The following PTPRM variants were observed in gnomAD, a reference collection of about 807,000 sequenced individuals.
The protein encoded by PTPRM is protein tyrosine phosphatase receptor type M, also known as receptor-type tyrosine-protein phosphatase mu.
PTPRM carries 47 observed loss-of-function variants against 186.7 expected under a neutral mutation model. The ratio of observed to expected loss-of-function variants is 0.25; its 90% CI spans 0.20 to 0.32. The LOEUF is 0.32. Ranked by LOEUF, PTPRM falls within the 10% of genes least tolerant of loss-of-function variation. PTPRM has a pLI of 1.00. For synonymous variants in PTPRM, 668 were observed against 674.9 expected (o/e 0.99, Z 0.16); for missense variants, 1,494 against 1,865.0 (o/e 0.80, Z 3.66).
intron 24 of PTPRM, among the ~76,000 whole-genome samples, chr18:8,372,265 G>A (rs1217854485): frequency 2.7e-5 from 4 of 146,190 alleles, no homozygotes; most frequent in Non-Finnish European, 6.0e-5. Flanking sequence ...TAGTAGAGAC[G>A]GGGTTTCACC....
intron 3 of PTPRM, among the ~76,000 whole-genome samples, chr18:7,900,737 C>G (rs139007216): frequency 1.6e-3 from 239 of 152,300 alleles, no homozygotes; most frequent in African/African-American, 5.3e-3. Context: ...TCTAAGTCAT[C>G]TTATCCCTGA....
chr18:8,392,303 G>T (rs2095817824), intron 31 of PTPRM, among the ~76,000 whole-genome samples: 1 of 152,124 alleles, frequency 6.6e-6, no homozygotes, highest in South Asian at 2.1e-4. Context: ...AGGTATGATA[G>T]TTATACTGTG....
intron 1 of PTPRM, among the ~76,000 whole-genome samples, chr18:7,690,358 G>A (rs567905359): frequency 1.1e-3 from 167 of 152,300 alleles, no homozygotes; most frequent in Non-Finnish European, 1.2e-3. Flanking sequence ...TCTGAGGTCA[G>A]CTCTCAAGGT....
rs8093151 is a variant in PTPRM, at chr18:8,227,426, G to A, written c.2301-16632G>A. Among the ~76,000 whole-genome samples, 1,402 of 152,220 alleles carry A rather than the reference G, an allele frequency of 9.2e-3. 17 individuals are homozygous for A. Among genetic ancestry groups the A allele is most frequent in the African/African-American group, 0.032 (1,325 of 41,532 alleles). ...CTATGTTTTTAACTTGGAATAGAAAGGTTTTTTAAAAAAAATTTTCATCCT... is the reference window on the plus strand; with the variant it reads ...CTATGTTTTTAACTTGGAATAGAAAAGTTTTTTAAAAAAAATTTTCATCCT... On this transcript the variant is annotated intron_variant, in intron 14 of 32. Transcript: ENST00000580170.
chr18:8,052,255 A>T (rs372843974), intron 7 of PTPRM, among the ~76,000 whole-genome samples: 1 of 152,170 alleles, frequency 6.6e-6, no homozygotes, highest in Non-Finnish European at 1.5e-5. Context: ...GGGCTTCATC[A>T]CAGGCCCAAC....
intron 14 of PTPRM, among the ~76,000 whole-genome samples, chr18:8,235,476 T>TTTTTTTTTTTTTTTTTTTTTTTG (rs1481569126): frequency 4.4e-5 from 6 of 136,782 alleles, no homozygotes; most frequent in African/African-American, 1.1e-4. Context: ...TTTTTTTTTT[T>TTTTTTTTTTTTTTTTTTTTTTTG]TTTAGCCTGG....
intron 14 of PTPRM, among the ~76,000 whole-genome samples, chr18:8,185,039 T>A (rs4459615): frequency 0.51 from 76,917 of 151,986 alleles, 19,822 homozygotes; most frequent in Middle Eastern, 0.7. Context: ...AATAAGTTAG[T>A]TGCTGTAGTT....
intron 14 of PTPRM, among the ~76,000 whole-genome samples, chr18:8,145,921 A>G (rs1349746094): frequency 6.6e-6 from 1 of 152,154 alleles, no homozygotes; most frequent in Non-Finnish European, 1.5e-5. Context: ...GTCTTCCACA[A>G]TGGTTGAACT....
chr18:7,741,780 A>G (rs1473681487), intron 1 of PTPRM: 8 of 152,232 alleles, frequency 5.3e-5, no homozygotes, highest in Admixed American at 2.6e-4. Context: ...TTTCTTCAGT[A>G]TAAGTGAAAC....
At chr18:7,600,445 C>T (rs949223015) in intron 1 of PTPRM, among the ~76,000 whole-genome samples, 6 of 152,242 alleles carry the variant, frequency 3.9e-5, no homozygotes, top group African/African-American at 1.4e-4. Flanking sequence ...GCTCCCCACA[C>T]CAACCCACAA....
In PTPRM at chr18:8,320,235, A is replaced by G. The variant is rs533804327; in HGVS notation, c.2956+1021A>G. 5.9e-5 allele frequency among the ~76,000 whole-genome samples: 9 copies of G among 152,328 alleles called. No individual in the cohort carries two copies. In the South Asian group the frequency reaches 1.9e-3, roughly 32 times the overall value. On this transcript the variant is annotated intron_variant, in intron 22 of 32. Coordinates refer to ENST00000580170, the MANE Select transcript of PTPRM (RefSeq NM_001105244.2). ...AGGGTGTACACAGACAGTCAGTGACAAGGGAATCAACGATGCCAAGATAAT... is the reference window on the plus strand; with the variant it reads ...AGGGTGTACACAGACAGTCAGTGACGAGGGAATCAACGATGCCAAGATAAT...
chr18:7,704,882 C>A (rs1162758705), intron 1 of PTPRM, among the ~76,000 whole-genome samples: 1 of 152,078 alleles, frequency 6.6e-6, no homozygotes, highest in Non-Finnish European at 1.5e-5. Context: ...AACAACTTCA[C>A]ACTTAGCTGG....
intron 3 of PTPRM, 85 bp from the exon 4 acceptor site, chr18:7,906,420 G>C: frequency 2.9e-6 from 3 of 1,030,944 alleles, no homozygotes; most frequent in Non-Finnish European, 4.5e-6. Context: ...AAGAATAAAC[G>C]AAATTATGTG....
At chr18:8,054,972 C>T (rs1055405577) in intron 7 of PTPRM, among the ~76,000 whole-genome samples, 45 of 151,602 alleles carry the variant, frequency 3.0e-4, no homozygotes, top group African/African-American at 1.1e-3. Flanking sequence ...TTTTGCCTTC[C>T]ACTGTTGTTG....
At chr18:7,805,437 T>A (rs548779779) in intron 2 of PTPRM, among the ~76,000 whole-genome samples, 23 of 152,334 alleles carry the variant, frequency 1.5e-4, no homozygotes, top group African/African-American at 5.3e-4. Flanking sequence ...TGCTTCTGTT[T>A]ATGAGCTCTT....
At chr18:8,195,604 T>C (rs985464006) in intron 14 of PTPRM, among the ~76,000 whole-genome samples, 1 of 152,186 alleles carries the variant, frequency 6.6e-6, no homozygotes, top group East Asian at 1.9e-4. Context: ...ATGAAGGAAC[T>C]AGAGGCCATT....
intron 14 of PTPRM, among the ~76,000 whole-genome samples, chr18:8,224,476 A>G (rs945113203): frequency 6.6e-6 from 1 of 152,140 alleles, no homozygotes; most frequent in East Asian, 1.9e-4. Context: ...ATCTCAATTC[A>G]TTTCTCTACA....
intron 5 of PTPRM, among the ~76,000 whole-genome samples, chr18:7,943,690 A>G (rs2052340821): frequency 6.6e-6 from 1 of 152,094 alleles, no homozygotes; most frequent in Non-Finnish European, 1.5e-5. Flanking sequence ...AACCTCCCTC[A>G]TATTTTGCCT....
At position 8,240,514 on chromosome 18, in the gene PTPRM, G is replaced by GA. The variant is rs2094407070; in HGVS notation, c.2301-3542dup. 3.6e-5 allele frequency among the ~76,000 whole-genome samples: 3 copies of GA among 82,618 alleles called. No homozygotes were observed. The South Asian group carries it at 1.8e-3, about 50-fold the overall frequency. The allele number at this position is 82,618 out of a possible 152,430, so 54.2% of individuals were successfully genotyped here. On this transcript the variant is annotated intron_variant, in intron 14 of 32. Coordinates refer to ENST00000580170, the MANE Select transcript of PTPRM (RefSeq NM_001105244.2). ...GAGAGAGAGAGAGGAAGGAAGGAAG[G>GA]AAGGAAGGAAGGAAGGAAGGAAGGA...
Sources: gnomAD v4.1 joint callset for allele counts (sites outside exome capture counted in the v4.1 genomes callset) on GRCh38, gnomAD v4.1.1 for gene constraint, MANE v1.5 for transcripts, NCBI Gene and HGNC (gene_info 2026-07-23, HGNC 2026-07-21) for gene names.